Variants in BIN3 observed in about 807,000 individuals in gnomAD.
BIN3 encodes the protein bridging integrator 3.
A neutral mutation model predicts 38.2 loss-of-function variants in BIN3; 41 were observed. That is an observed-to-expected ratio of 1.07 (90% confidence interval 0.84 to 1.39). The LOEUF is 1.39. Ranked by LOEUF, BIN3 falls within the 40% of genes most tolerant of loss-of-function variation. The probability of loss-of-function intolerance (pLI) is 0.00; values close to 1 mark genes in which losing one functional copy is unlikely to be tolerated. For synonymous variants in BIN3, 145 were observed against 122.6 expected (o/e 1.18, Z -1.21); for missense variants, 361 against 324.3 (o/e 1.11, Z -0.87).
chr8:22,659,382 T>C (rs1470398925), intron 1 of BIN3, among the ~76,000 whole-genome samples: 1 of 152,156 alleles, frequency 6.6e-6, no homozygotes, highest in Admixed American at 6.5e-5. Flanking sequence ...TGTTTAAAAA[T>C]AAAAGGGATG....
intron 6 of BIN3, chr8:22,625,114 G>T: frequency 1.9e-6 from 1 of 534,338 alleles, no homozygotes; most frequent in South Asian, 2.8e-5. Flanking sequence ...GTGACTAGAA[G>T]GGACCGCGTG....
chr8:22,641,951 G>C (rs3735897), intron 2 of BIN3, among the ~76,000 whole-genome samples: 1 of 152,060 alleles, frequency 6.6e-6, no homozygotes. Context: ...GGTTAGGATC[G>C]GGATCGGGGG....
At chr8:22,654,344 T>A (rs997601175) in intron 1 of BIN3, among the ~76,000 whole-genome samples, 19 of 152,266 alleles carry the variant, frequency 1.2e-4, no homozygotes, top group African/African-American at 4.6e-4. Context: ...GGTTTATTTT[T>A]AAATAACATA....
intron 1 of BIN3, among the ~76,000 whole-genome samples, chr8:22,667,417 G>C (rs1803456373): frequency 6.6e-6 from 1 of 152,218 alleles, no homozygotes; most frequent in South Asian, 2.1e-4. Context: ...GTGAAGGAAA[G>C]ATTGGTTCAG....
chr8:22,624,637 T>C (rs2117499229), intron 6 of BIN3: 1 of 390,028 alleles, frequency 2.6e-6, no homozygotes, highest in Non-Finnish European at 4.6e-6. Flanking sequence ...TGAGGGCAGA[T>C]GAGAGGAGGT....
rs1302760422 is a variant in BIN3 at position 22,630,558 on chromosome 8, T to G, written c.181A>C (p.Lys61Gln). The G allele has an allele frequency of 1.2e-6, 2 of 1,613,868 alleles. No homozygotes were observed. The highest frequency in any genetic ancestry group is 1.7e-6 in the Non-Finnish European group (2 of 1,179,858). Residue 61 changes from lysine (K) to glutamine (Q), a missense_variant, in exon 5 of 9, where the codon AAG becomes CAG. Physicochemically the swap from Lys to Gln is moderately conservative, Grantham distance 53 (BLOSUM62 1). Transcript: ENST00000276416. ...TTGGAGAGTAAGTCCAAGGATATCT[T>G]CACGGCAGATTTTGACATGGCTGTG... Reference protein sequence around the residue: ...ADLAMSKSAVKISLDLLSNPL... With the variant: ...ADLAMSKSAVQISLDLLSNPL...
chr8:22,640,447 C>T (rs1251551416), intron 2 of BIN3, among the ~76,000 whole-genome samples: 2 of 151,986 alleles, frequency 1.3e-5, no homozygotes, highest in Non-Finnish European at 2.9e-5. Flanking sequence ...CCTTGGCCTC[C>T]CAAAGTGCTG....
chr8:22,625,535 G>C, intron 6 of BIN3: 1 of 652,866 alleles, frequency 1.5e-6, no homozygotes, highest in Non-Finnish European at 2.8e-6. Flanking sequence ...CAGGTTCCAG[G>C]AGCTCAGCTA....
At chr8:22,626,204 C>A (rs530322043) in intron 6 of BIN3, 1 of 152,482 alleles carries the variant, frequency 6.6e-6, no homozygotes, top group East Asian at 1.9e-4. Context: ...CGGGCAGAAG[C>A]CATGGGCCTC....
In BIN3 at chr8:22,621,257, G is replaced by A. The variant is rs754694799; in HGVS notation, c.*165C>T. On this transcript the variant is annotated 3_prime_UTR_variant, in exon 9 of 9. Transcript: ENST00000276416. ...GAGTGGGGAGACGGCGGCCTGCCTA[G>A]GGCTCCTGGTGCCAGGCTCAGGAAG... The A allele has an allele frequency of 1.2e-4, 112 of 933,052 alleles. 1 individual carries two copies. In the Middle Eastern group the frequency reaches 4.3e-3, roughly 36 times the overall value. The allele number at this position is 933,052 out of a possible 1,614,324, so 57.8% of individuals were successfully genotyped here.
intron 4 of BIN3, among the ~76,000 whole-genome samples, chr8:22,633,492 A>C (rs1802272938): frequency 6.6e-6 from 1 of 152,210 alleles, no homozygotes; most frequent in Non-Finnish European, 1.5e-5. Context: ...GGGTCTCTGG[A>C]GTCCTGATGC....
Position 22,621,516 on chromosome 8 carries a change from A to C in BIN3, c.668T>G (p.Leu223Arg). 6.2e-7 allele frequency: 1 copy of C among 1,613,900 alleles called. No individual in the cohort carries two copies. The highest frequency in any genetic ancestry group is 8.5e-7 in the Non-Finnish European group (1 of 1,179,884). ...CTCATCGGAGTGGCCTGGCTGGTCA[A>C]GCTGATGGGACAGGTCTCCAAAGAT... ...HKIFGDLSHQ[L>R]DQPGHSDEQR... is the part of the protein sequence containing the mutation. The change falls in exon 9 of 9, where the codon CTT becomes CGT. Residue 223 changes from leucine (L) to arginine (R), a missense_variant. By Grantham distance (102) the Leu-to-Arg change is moderately radical. Coordinates refer to ENST00000276416, the MANE Select transcript of BIN3 (RefSeq NM_018688.6).
intron 2 of BIN3, among the ~76,000 whole-genome samples, chr8:22,637,718 G>A (rs1298435885): frequency 1.3e-5 from 2 of 152,198 alleles, no homozygotes; most frequent in African/African-American, 2.4e-5. Context: ...GGTCTCTTAT[G>A]GGCATGCAAT....
intron 4 of BIN3, among the ~76,000 whole-genome samples, chr8:22,635,649 C>T (rs1452855980): frequency 2.6e-5 from 4 of 152,100 alleles, no homozygotes; most frequent in African/African-American, 7.2e-5. Flanking sequence ...ACAGCCTGTG[C>T]CACTCGGATT....
intron 6 of BIN3, among the ~76,000 whole-genome samples, chr8:22,629,484 C>T (rs1473044344): frequency 2.6e-5 from 4 of 152,232 alleles, no homozygotes; most frequent in African/African-American, 7.2e-5. Flanking sequence ...AGGACCTTCC[C>T]GGGCCAGACC....
Position 22,621,341 on chromosome 8 carries a change from G to A in BIN3, c.*81C>T. 2.0e-6 allele frequency: 3 copies of A among 1,506,274 alleles called. No individual in the cohort carries two copies. Among genetic ancestry groups the A allele is most frequent in the Non-Finnish European group, 2.7e-6 (3 of 1,120,606 alleles). The allele number at this position is 1,506,274 out of a possible 1,614,324, so 93.3% of individuals were successfully genotyped here. A position where few individuals can be genotyped will look rare whatever the true frequency, so the allele number is the denominator to read the frequency against. The stretch of plus-strand genomic sequence containing the variant: ...AGGGCCACCTCTGTCCCCAGCCTGT[G>A]AGAGGAGCAGCTAGCCCTGAGAAGG... On this transcript the variant is annotated 3_prime_UTR_variant, in exon 9 of 9. Transcript: ENST00000276416.
chr8:22,625,644 G>A (rs1801979821), intron 6 of BIN3: 1 of 528,722 alleles, frequency 1.9e-6, no homozygotes, highest in Non-Finnish European at 3.4e-6. Context: ...CTGGAGTACA[G>A]TGGTATGATC....
Position 22,630,441 on chromosome 8 carries a change from C to T in BIN3, c.297+1G>A, listed in dbSNP as rs1042588299. The T allele has an allele frequency of 1.2e-6, 2 of 1,613,964 alleles. No individual in the cohort carries two copies. The highest frequency in any genetic ancestry group is 8.5e-7 in the Non-Finnish European group (1 of 1,179,854). On this transcript the variant is annotated splice_donor_variant, in intron 5 of 8. Coordinates refer to ENST00000276416, the MANE Select transcript of BIN3 (RefSeq NM_018688.6). LOFTEE classifies it high-confidence loss of function. Reference sequence around the variant, plus strand: ...CCCACCCCACACCAAGACCTAGTCACCTTTTCCTGATTGAAGGCATCCATC... The same window carrying T: ...CCCACCCCACACCAAGACCTAGTCATCTTTTCCTGATTGAAGGCATCCATC...
intron 1 of BIN3, among the ~76,000 whole-genome samples, chr8:22,654,639 G>A (rs1246692912): frequency 1.3e-5 from 2 of 152,202 alleles, no homozygotes; most frequent in African/African-American, 4.8e-5. Context: ...GGTCATCCAT[G>A]TCATAGCATA....
Sources: allele counts gnomAD v4.1 joint callset (sites outside exome capture counted in the v4.1 genomes callset), GRCh38; gene constraint gnomAD v4.1.1; transcripts MANE v1.5; gene names NCBI Gene and HGNC (gene_info 2026-07-23, HGNC 2026-07-21).